Variants in SHMT1 observed in about 807,000 individuals in gnomAD.
SHMT1 encodes serine hydroxymethyltransferase, cytosolic.
Under a neutral mutation model 49.0 loss-of-function variants are expected in SHMT1, and 45 were observed. The ratio of observed to expected loss-of-function variants is 0.92; its 90% CI spans 0.72 to 1.18. SHMT1 has a LOEUF of 1.18. Ranked by LOEUF, SHMT1 falls within the 50% of genes most tolerant of loss-of-function variation. SHMT1 has a pLI of 0.00. For missense variants in SHMT1, 541 were observed against 612.4 expected, an observed-to-expected ratio of 0.88 and a Z score of 1.23; for synonymous variants, 232 against 246.6, an observed-to-expected ratio of 0.94 and a Z score of 0.55.
chr17:18,335,177 A>T (rs1045926061), intron 8 of SHMT1, among the ~76,000 whole-genome samples: 2 of 152,250 alleles, frequency 1.3e-5, no homozygotes, highest in South Asian at 4.1e-4. Flanking sequence ...GATCAGACAC[A>T]GGGTCCTCCA....
At position 18,330,583 on chromosome 17, in the gene SHMT1, A is replaced by C; in HGVS notation, c.1143T>G (p.Ser381=). The change falls in exon 10 of 12, where the codon TCT becomes TCG. Residue 381 remains serine, a synonymous_variant. Coordinates refer to ENST00000316694, the MANE Select transcript of SHMT1 (RefSeq NM_004169.5). The stretch of plus-strand genomic sequence containing the variant: ...GACAGGTGTTCTTGTTGCAGGCAAT[A>C]GAACAGGCTTCTAGCACCTTCTCAG... The part of the protein sequence containing the change: ...GRAEKVLEAC[S]IACNKNTCPG... 6.2e-7 allele frequency: 1 copy of C among 1,613,800 alleles called. No individual in the cohort carries two copies. The highest frequency in any genetic ancestry group is 8.5e-7 in the Non-Finnish European group (1 of 1,179,654).
At chr17:18,329,438 ATGG>A (rs1982939852) in intron 10 of SHMT1, 50 bp from the exon 11 acceptor site, 1 of 1,417,408 alleles carries the variant, frequency 7.1e-7, no homozygotes. Flanking sequence ...CACCACTGTG[ATGG>A]TGGTGCATTT....
In SHMT1 at chr17:18,335,628, G is replaced by T; in HGVS notation, c.862C>A (p.Leu288Met). ...ACAGCAGAATTGATAAGAGACTCCA[G>T]GTTGTACAGAATCTCTTTGCCAGTC... ...PKTGKEILYN[L>M]ESLINSAVFP... Residue 288 changes from leucine (L) to methionine (M), a missense_variant, in exon 8 of 12, where the codon CTG becomes ATG. Transcript: ENST00000316694. 1 of 1,614,118 alleles carries T rather than the reference G, an allele frequency of 6.2e-7. No homozygotes were observed.
chr17:18,331,884 G>A (rs1253894046), intron 9 of SHMT1: 1 of 152,134 alleles, frequency 6.6e-6, no homozygotes, highest in Non-Finnish European at 1.5e-5. Flanking sequence ...CAGATCATCG[G>A]GCATTAGATT....
rs1982853455 is a variant in SHMT1, at chr17:18,328,875, C to T, written c.1327G>A (p.Ala443Thr). The change falls in exon 12 of 12, where the codon GCC (alanine) becomes ACC (threonine). Residue 443 changes from alanine (A) to threonine (T), a missense_variant. By Grantham distance (58) the Ala-to-Thr change is moderately conservative. Coordinates refer to ENST00000316694, the MANE Select transcript of SHMT1 (RefSeq NM_004169.5). ...LQIQSDTGVR[A>T]TLKEFKERLA... ...CTCTCCTTGAACTCTTTCAGGGTGG[C>T]TCTGACACCAGTGTCGCTCTGGATC... is the stretch of plus-strand genomic sequence containing the variant. The T allele has an allele frequency of 1.9e-6, 3 of 1,613,978 alleles. No homozygotes were observed. The highest frequency in any genetic ancestry group is 2.5e-6 in the Non-Finnish European group (3 of 1,180,032).
chr17:18,359,560 G>A (rs569887376), intron 1 of SHMT1, among the ~76,000 whole-genome samples: 5 of 151,770 alleles, frequency 3.3e-5, no homozygotes, highest in Middle Eastern at 3.4e-3. Context: ...CCTGAGGCAT[G>A]AGACTTACTT....
At chr17:18,357,117 T>TAA (rs1986308769) in intron 1 of SHMT1, among the ~76,000 whole-genome samples, 2 of 151,504 alleles carry the variant, frequency 1.3e-5, no homozygotes, top group Non-Finnish European at 2.9e-5. Context: ...CCATCTCTAC[T>TAA]AAAAATACAA....
chr17:18,358,624 G>A (rs1024305455), intron 1 of SHMT1, among the ~76,000 whole-genome samples: 3 of 152,198 alleles, frequency 2.0e-5, no homozygotes, highest in Non-Finnish European at 4.4e-5. Flanking sequence ...TACTTGGGCT[G>A]GGTGTGGTGG....
intron 10 of SHMT1, 50 bp downstream of exon 10, chr17:18,330,505 A>C: frequency 7.6e-7 from 1 of 1,309,378 alleles, no homozygotes; most frequent in African/African-American, 1.4e-5. Flanking sequence ...TTTGGCCAGA[A>C]GAAATGCAGA....
chr17:18,336,069 G>C (rs1189582810), intron 7 of SHMT1, among the ~76,000 whole-genome samples: 1 of 151,352 alleles, frequency 6.6e-6, no homozygotes, highest in Non-Finnish European at 1.5e-5. Flanking sequence ...ACGAGGTCAG[G>C]AGTTTGGGAC....
chr17:18,355,925 G>T lies in SHMT1; in HGVS notation c.57C>A (p.Asp19Glu). ...CTTTGAGGGGTTGTGCCAGCATCTTGTCATGTGAGGACCACAGGTCAGCAT... is the reference window on the plus strand; with the variant it reads ...CTTTGAGGGGTTGTGCCAGCATCTTTTCATGTGAGGACCACAGGTCAGCAT... ...HKDADLWSSH[D>E]KMLAQPLKDS... is the part of the protein sequence containing the mutation. Residue 19 changes from aspartate to glutamate, a missense_variant, in exon 2 of 12, where the codon GAC becomes GAA. Physicochemically the swap from Asp to Glu is conservative, Grantham distance 45. Transcript: ENST00000316694. 1 of 1,614,076 alleles carries T rather than the reference G, an allele frequency of 6.2e-7. No individual in the cohort carries two copies. Among genetic ancestry groups the T allele is most frequent in the Non-Finnish European group, 8.5e-7 (1 of 1,179,954 alleles).
chr17:18,349,893 G>T (rs534427928), intron 3 of SHMT1, among the ~76,000 whole-genome samples: 1 of 152,056 alleles, frequency 6.6e-6, no homozygotes, highest in Non-Finnish European at 1.5e-5. Context: ...GGTGGTGCAC[G>T]CCTGTATTCC....
rs936419075 is a variant in SHMT1, at chr17:18,330,744, C to T, written c.1055-73G>A. The T allele has an allele frequency of 8.2e-5, 92 of 1,122,616 alleles. No individual in the cohort carries two copies. The Admixed American group carries it at 1.5e-3, about 18-fold the overall frequency. 69.5% of individuals were successfully genotyped at this position (1,122,616 alleles called of 1,614,324 possible). A position where few individuals can be genotyped will look rare whatever the true frequency, so the allele number is the denominator to read the frequency against. ...TGAAGGAATCTCTGAGAAACGAAGG[C>T]GAGGATGAAGGCAGTCAAAGCAGAT... On this transcript the variant is annotated intron_variant, in intron 9 of 11. Coordinates refer to ENST00000316694, the MANE Select transcript of SHMT1 (RefSeq NM_004169.5).
At chr17:18,339,330 A>C (rs1483179368) in intron 7 of SHMT1, among the ~76,000 whole-genome samples, 2 of 152,180 alleles carry the variant, frequency 1.3e-5, no homozygotes, top group Non-Finnish European at 2.9e-5. Flanking sequence ...GAGAAACATG[A>C]TGGATCACTG....
chr17:18,351,344 C>T (rs1173340123), intron 3 of SHMT1, among the ~76,000 whole-genome samples: 1 of 151,618 alleles, frequency 6.6e-6, no homozygotes, highest in African/African-American at 2.4e-5. Context: ...ATGGGGTTTA[C>T]ACCGTATTAG....
chr17:18,354,645 C>T (rs915561168), intron 2 of SHMT1, among the ~76,000 whole-genome samples: 48 of 152,042 alleles, frequency 3.2e-4, no homozygotes, highest in African/African-American at 1.2e-3. Flanking sequence ...TTTAAGTGTC[C>T]CACCTAATTT....
At position 18,340,955 on chromosome 17, in the gene SHMT1, A is replaced by T. The variant is rs1319790021; in HGVS notation, c.520-142T>A. 1 of 705,016 alleles carries T rather than the reference A, an allele frequency of 1.4e-6. No individual in the cohort carries two copies. The highest frequency in any genetic ancestry group is 2.7e-5 in the East Asian group (1 of 36,948). 43.7% of individuals were successfully genotyped at this position (705,016 alleles called of 1,614,324 possible). On this transcript the variant is annotated intron_variant, in intron 5 of 11. Transcript: ENST00000316694. This position sits in a 1 kb window ranked among gnomAD's most constrained non-coding sequence, Gnocchi z 4.5. ...GACTTGAGGGTGAGACAGGATGGAT[A>T]CTGGTGTGTTCAGCCTGCTCAACCA...
Position 18,348,385 on chromosome 17 carries a change from C to T in SHMT1, c.298G>A (p.Ala100Thr), listed in dbSNP as rs1985326127. The T allele has an allele frequency of 6.2e-7, 1 of 1,614,072 alleles. No individual in the cohort carries two copies. The highest frequency in any genetic ancestry group is 8.5e-7 in the Non-Finnish European group (1 of 1,179,958). ...GGGTCCAGCTTATAGGCCTGCAGGG[C>T]TCGCTTCTGACAGAGGGTCTCCAGT... is the stretch of plus-strand genomic sequence containing the variant. ...DELETLCQKR[A>T]LQAYKLDPQC... The change falls in exon 4 of 12, where the codon GCC becomes ACC. Residue 100 changes from alanine to threonine, a missense_variant. Ala to Thr is a moderately conservative substitution (Grantham distance 58). Transcript: ENST00000316694.
At chr17:18,345,768 C>T (rs920180204) in intron 5 of SHMT1, among the ~76,000 whole-genome samples, 7 of 152,048 alleles carry the variant, frequency 4.6e-5, no homozygotes, top group Non-Finnish European at 5.9e-5. Flanking sequence ...GCAACCTCCG[C>T]CTCCCAGGTT....
Sources: allele counts gnomAD v4.1 joint callset (sites outside exome capture counted in the v4.1 genomes callset), GRCh38; gene constraint gnomAD v4.1.1; non-coding constraint Gnocchi (gnomAD v3.1); transcripts MANE v1.5; gene names NCBI Gene and HGNC (gene_info 2026-07-23, HGNC 2026-07-21).